Variants in NOD2 observed in about 807,000 individuals in gnomAD.
NOD2 encodes nucleotide-binding oligomerization domain-containing protein 2.
Under a neutral mutation model 90.9 loss-of-function variants are expected in NOD2, and 86 were observed. The observed-to-expected ratio is 0.95, with a 90% CI of 0.79 to 1.13. NOD2 has a LOEUF of 1.13. Ranked by LOEUF, NOD2 falls within the 50% of genes most tolerant of loss-of-function variation. The pLI is 0.00. For synonymous variants in NOD2, 581 were observed against 554.6 expected (o/e 1.05, Z -0.67); for missense variants, 1,238 against 1,283.8 (o/e 0.96, Z 0.55).
chr16:50,693,635 CT>C lies in NOD2; in HGVS notation c.-34del, dbSNP rs1470446633. The C allele has an allele frequency of 6.6e-6, 1 of 152,616 alleles. No individual in the cohort carries two copies. The highest frequency in any genetic ancestry group is 6.5e-5 in the Admixed American group (1 of 15,280). 9.5% of individuals were successfully genotyped at this position (152,616 alleles called of 1,614,324 possible). Reference sequence around the variant, plus strand: ...CCGGGAGTCGTGGCCCGGAGTGGGCCTTGGAGTCGGCGCGCAGGCGGCTCGC... The same window carrying C: ...CCGGGAGTCGTGGCCCGGAGTGGGCCTGGAGTCGGCGCGCAGGCGGCTCGC... On this transcript the variant is annotated 5_prime_UTR_variant, in exon 1 of 12. Transcript: ENST00000647318.
chr16:50,697,580 T>A, intron 1 of NOD2: 1 of 539,110 alleles, frequency 1.9e-6, no homozygotes. Flanking sequence ...TACCCTTTTT[T>A]GTCCTCTCTT....
At chr16:50,705,949 C>T (rs146540577) in intron 2 of NOD2, among the ~76,000 whole-genome samples, 4 of 152,194 alleles carry the variant, frequency 2.6e-5, no homozygotes, top group East Asian at 1.9e-4. Flanking sequence ...GAAATTACAG[C>T]GTGTGCTAGA....
chr16:50,725,707 A>T (rs1965241648), intron 10 of NOD2, 135 bp downstream of exon 10: 1 of 726,808 alleles, frequency 1.4e-6, no homozygotes, highest in Non-Finnish European at 2.5e-6. Flanking sequence ...GCCTTGGTCT[A>T]GGTGGACAAG....
At position 50,711,057 on chromosome 16, in the gene NOD2, C is replaced by T. The variant is rs104895476; in HGVS notation, c.1065C>T (p.Asp355=). 106 of 1,614,064 alleles carry T rather than the reference C, an allele frequency of 6.6e-5. No individual in the cohort carries two copies. Among genetic ancestry groups the T allele is most frequent in the Non-Finnish European group, 7.5e-5 (88 of 1,180,024 alleles). ...DRVLLTFDGF[D]EFKFRFTDRE... The stretch of plus-strand genomic sequence containing the variant: ...TCCTGTTAACCTTTGATGGCTTTGA[C>T]GAGTTCAAGTTCAGGTTCACGGATC... The change falls in exon 4 of 12, where the codon GAC becomes GAT. Residue 355 remains aspartate, a synonymous_variant. Transcript: ENST00000647318.
intron 7 of NOD2, among the ~76,000 whole-genome samples, chr16:50,722,386 T>C (rs1965098581): frequency 6.6e-6 from 1 of 152,196 alleles, no homozygotes; most frequent in Admixed American, 6.5e-5. Flanking sequence ...TCTACTATTC[T>C]CTAAGTCTGT....
At chr16:50,718,616 G>A (rs1472489740) in intron 6 of NOD2, among the ~76,000 whole-genome samples, 3 of 152,184 alleles carry the variant, frequency 2.0e-5, no homozygotes, top group Non-Finnish European at 4.4e-5. Flanking sequence ...ACTGCCCGAG[G>A]TTTGAACCCT....
At chr16:50,700,224 G>A (rs73575744) in intron 2 of NOD2, among the ~76,000 whole-genome samples, 2,096 of 152,178 alleles carry the variant, frequency 0.014, 52 homozygotes, top group African/African-American at 0.048. Context: ...GAATTCCTGC[G>A]CTCAAGTGAT....
chr16:50,719,866 C>G (rs752664495), intron 6 of NOD2, 59 bp from the exon 7 acceptor site: 4 of 1,473,924 alleles, frequency 2.7e-6, no homozygotes, highest in Non-Finnish European at 3.8e-6. Flanking sequence ...AGGGCACAGA[C>G]GGCCCTCCTT....
chr16:50,694,606 TGAG>T (rs1340362747), intron 1 of NOD2, among the ~76,000 whole-genome samples: 3 of 152,198 alleles, frequency 2.0e-5, no homozygotes, highest in Non-Finnish European at 4.4e-5. Flanking sequence ...TTATTACTGA[TGAG>T]GTGGCTTTTT....
At chr16:50,719,039 C>A (rs1010988395) in intron 6 of NOD2, among the ~76,000 whole-genome samples, 1 of 152,162 alleles carries the variant, frequency 6.6e-6, no homozygotes, top group African/African-American at 2.4e-5. Flanking sequence ...CTTGGCAAGG[C>A]TGATGAGGAG....
intron 4 of NOD2, chr16:50,713,182 AG>A (rs1239821482): frequency 6.6e-6 from 1 of 152,382 alleles, no homozygotes; most frequent in Admixed American, 6.5e-5. Context: ...CCAGCTTGAA[AG>A]GGGATTGCCC....
rs769056708 is a variant in NOD2, at chr16:50,725,549, A to G, written c.2862A>G (p.Lys954=). The change falls in exon 10 of 12, where the codon AAA becomes AAG. Residue 954 remains lysine (K), a synonymous_variant. Coordinates refer to ENST00000647318, the MANE Select transcript of NOD2 (RefSeq NM_001370466.1). ...GTTCTCTCGCAGAAGGACTGAAGAA[A>G]AATTCAAGTTTGAAAATCCTGAAGT... is the stretch of plus-strand genomic sequence containing the variant. The part of the protein sequence containing the change: ...GVCSLAEGLK[K]NSSLKILKLS... 6.2e-7 allele frequency: 1 copy of G among 1,614,080 alleles called. No individual in the cohort carries two copies. Among genetic ancestry groups the G allele is most frequent in the Admixed American group, 1.7e-5 (1 of 60,028 alleles).
chr16:50,693,761 C>T (rs576656157), intron 1 of NOD2, 99 bp downstream of exon 1: 1 of 152,338 alleles, frequency 6.6e-6, no homozygotes, highest in East Asian at 1.9e-4. Flanking sequence ...CTGAGCCGTC[C>T]TGGCCGCAGG....
At chr16:50,724,764 G>T (rs970604161) in intron 9 of NOD2, among the ~76,000 whole-genome samples, 2 of 152,210 alleles carry the variant, frequency 1.3e-5, no homozygotes, top group Admixed American at 6.5e-5. Flanking sequence ...TATATGTTAA[G>T]CTGCAGGTGA....
Position 50,731,749 on chromosome 16 carries a change from T to G in NOD2, c.2972T>G (p.Leu991Arg), listed in dbSNP as rs771267307. The stretch of plus-strand genomic sequence containing the variant: ...TCTGTTCACTTGATCTGCTTTAGGC[T>G]CCGAGGGAACACTTTCTCTCTAGAG... Reference protein sequence around the residue: ...ERNDTILEVWLRGNTFSLEEV... With the variant: ...ERNDTILEVWRRGNTFSLEEV... The change falls in exon 12 of 12, where the codon CTC (leucine) becomes CGC (arginine). Residue 991 changes from leucine (L) to arginine (R), a missense_variant and splice_region_variant. Leu to Arg is a moderately radical substitution (Grantham distance 102). This residue lies in a region of NOD2 where 667 missense variants were observed against 688.7 expected (regional missense o/e 0.97). Coordinates refer to ENST00000647318, the MANE Select transcript of NOD2 (RefSeq NM_001370466.1). The G allele has an allele frequency of 8.1e-6, 13 of 1,611,766 alleles. No homozygotes were observed. The highest frequency in any genetic ancestry group is 1.1e-5 in the South Asian group (1 of 91,042).
Position 50,731,821 on chromosome 16 carries a change from G to A in NOD2, c.*2G>A. The A allele has an allele frequency of 6.2e-7, 1 of 1,611,268 alleles. No homozygotes were observed. The highest frequency in any genetic ancestry group is 8.5e-7 in the Non-Finnish European group (1 of 1,177,494). The stretch of plus-strand genomic sequence containing the variant: ...AGGGACACCAGACTCTTGCTTTGAA[G>A]TCTCCGGGAGGATGTTCGTCTCAGT... On this transcript the variant is annotated 3_prime_UTR_variant, in exon 12 of 12. Coordinates refer to ENST00000647318, the MANE Select transcript of NOD2 (RefSeq NM_001370466.1).
At chr16:50,722,509 G>A in intron 7 of NOD2, 113 bp from the exon 8 acceptor site, 1 of 1,023,170 alleles carries the variant, frequency 9.8e-7, no homozygotes, top group Non-Finnish European at 1.5e-6. Context: ...CTGGGATTGA[G>A]TGGTCCTGCC....
intron 1 of NOD2, among the ~76,000 whole-genome samples, chr16:50,694,078 AC>A (rs1232381524): frequency 6.6e-6 from 1 of 152,024 alleles, no homozygotes; most frequent in Non-Finnish European, 1.5e-5. Flanking sequence ...GACAGCCCAC[AC>A]CAGGACCTGC....
At chr16:50,725,419 G>T (rs750149710) in intron 9 of NOD2, 70 bp from the exon 10 acceptor site, 89 of 1,162,824 alleles carry the variant, frequency 7.7e-5, no homozygotes, top group Non-Finnish European at 1.1e-4. Context: ...CCTATATGGG[G>T]GGCATGTGAG....
Sources: gnomAD v4.1 joint callset for allele counts (sites outside exome capture counted in the v4.1 genomes callset) on GRCh38, gnomAD v4.1.1 for gene constraint, gnomAD v4.1.1 regional missense constraint, MANE v1.5 for transcripts, NCBI Gene and HGNC (gene_info 2026-07-23, HGNC 2026-07-21) for gene names.